The following SYT7 variants were observed in gnomAD, a reference collection of about 807,000 sequenced individuals.
SYT7 encodes synaptotagmin 7, also known as synaptotagmin-7.
In SYT7, 29 loss-of-function variants were observed where a neutral mutation model predicts 75.1. The ratio of observed to expected loss-of-function variants is 0.39; its 90% CI spans 0.29 to 0.53. The LOEUF (loss-of-function observed/expected upper bound fraction) is 0.53, where lower values mean the gene tolerates loss of function less well. Ranked by LOEUF, SYT7 falls within the 20% of genes least tolerant of loss-of-function variation. The pLI, the probability that SYT7 is intolerant of heterozygous loss-of-function variation, is 0.77. For synonymous variants in SYT7, 376 were observed against 401.7 expected, an observed-to-expected ratio of 0.94 and a Z score of 0.76; for missense variants, 693 against 953.2, an observed-to-expected ratio of 0.73 and a Z score of 3.59.
At chr11:61,561,799 A>T (rs1387351362) in intron 1 of SYT7, among the ~76,000 whole-genome samples, 1 of 152,212 alleles carries the variant, frequency 6.6e-6, no homozygotes, top group African/African-American at 2.4e-5. Flanking sequence ...AAGGGGCTGT[A>T]TCTGCTTTGC....
At chr11:61,552,697 G>A (rs2063388207) in intron 2 of SYT7, among the ~76,000 whole-genome samples, 1 of 152,210 alleles carries the variant, frequency 6.6e-6, no homozygotes, top group Admixed American at 6.5e-5. Flanking sequence ...AGGGAGACCA[G>A]CAGCAAAGCT....
intron 2 of SYT7, among the ~76,000 whole-genome samples, chr11:61,554,572 T>G: frequency 6.6e-6 from 1 of 151,972 alleles, no homozygotes; most frequent in East Asian, 1.9e-4. Context: ...GCAGCCTTCT[T>G]CCCTAGCCTT....
At position 61,515,695 on chromosome 11, in the gene SYT7, G is replaced by A. The variant is rs2062132581; in HGVS notation, c.*2932C>T. 6.6e-6 allele frequency: 1 copy of A among 152,564 alleles called. No homozygotes were observed. Among genetic ancestry groups the A allele is most frequent in the Non-Finnish European group, 1.5e-5 (1 of 68,038 alleles). 9.5% of individuals were successfully genotyped at this position (152,564 alleles called of 1,614,324 possible). A position where few individuals can be genotyped will look rare whatever the true frequency, so the allele number is the denominator to read the frequency against. On this transcript the variant is annotated 3_prime_UTR_variant, in exon 13 of 13. Coordinates refer to ENST00000539008, the MANE Select transcript of SYT7 (RefSeq NM_001365809.2). ...CCAGAGGGCAGGTGCGGGGGTCCTG[G>A]GGCGGGTGGAATTTGTACAGCACTT...
chr11:61,584,225 T>TAA (rs1185810889), upstream of SYT7, among the ~76,000 whole-genome samples: 1 of 143,442 alleles, frequency 7.0e-6, no homozygotes. Context: ...CCATCTCTAC[T>TAA]AAAAAAAAAA....
intron 1 of SYT7, among the ~76,000 whole-genome samples, 176 bp from the exon 2 acceptor site, chr11:61,556,383 CTG>C (rs1011330512): frequency 1.1e-4 from 17 of 152,362 alleles, no homozygotes; most frequent in African/African-American, 4.1e-4. Flanking sequence ...AGTTTCCTCT[CTG>C]TGTGCCTCAG....
In SYT7 at chr11:61,514,253, T is replaced by G. The variant is rs1306227062; in HGVS notation, c.*4374A>C. ...TCATGGAGAGCGCCTGAACAGAAGC[T>G]CTGGCCAAGGGAGCCCCTGAGGCTA... On this transcript the variant is annotated 3_prime_UTR_variant, in exon 13 of 13. Coordinates refer to ENST00000539008, the MANE Select transcript of SYT7 (RefSeq NM_001365809.2). Among the ~76,000 whole-genome samples, 1 of 152,194 alleles carries G rather than the reference T, an allele frequency of 6.6e-6. No homozygotes were observed. Among genetic ancestry groups the G allele is most frequent in the Non-Finnish European group, 1.5e-5 (1 of 68,028 alleles).
At position 61,516,803 on chromosome 11, in the gene SYT7, T is replaced by G. The variant is rs577667144; in HGVS notation, c.*1824A>C. 1.3e-5 allele frequency: 2 copies of G among 157,422 alleles called. No individual in the cohort carries two copies. The highest frequency in any genetic ancestry group is 2.1e-4 in the South Asian group (1 of 4,864). The allele number at this position is 157,422 out of a possible 1,614,324, so 9.8% of individuals were successfully genotyped here. ...TAGCATTCTTCACTCTACAAAACGA[T>G]TCACCTACTATGTATGATGTTCCTC... On this transcript the variant is annotated 3_prime_UTR_variant, in exon 13 of 13. Transcript: ENST00000539008. The surrounding 1 kb of genome is among the most constrained non-coding windows in gnomAD (Gnocchi z 4.6).
Position 61,546,197 on chromosome 11 carries a change from C to A in SYT7, c.406G>T (p.Glu136Ter). 1.3e-6 allele frequency: 2 copies of A among 1,512,778 alleles called. No individual in the cohort carries two copies. Among genetic ancestry groups the A allele is most frequent in the Non-Finnish European group, 1.8e-6 (2 of 1,137,750 alleles). 93.7% of individuals were successfully genotyped at this position (1,512,778 alleles called of 1,614,324 possible). Residue 136 changes from glutamate to a stop codon, truncating the protein, a stop_gained, in exon 5 of 13, where the codon GAA (glutamate) becomes TAA (stop). Transcript: ENST00000539008. LOFTEE classifies it high-confidence loss of function. The surrounding 1 kb of genome is among the most constrained non-coding windows in gnomAD (Gnocchi z 7.6). Reference protein sequence around the residue: ...AAAAGLAVEREGRLGEKPAPV... With the variant: ...AAAAGLAVER The stretch of plus-strand genomic sequence containing the variant: ...GCCGGCTTCTCCCCCAGCCGGCCTT[C>A]CCGCTCCACCGCCAGCCCCGCCGCG...
At chr11:61,544,338 C>T (rs1210299081) in intron 5 of SYT7, among the ~76,000 whole-genome samples, 1 of 152,158 alleles carries the variant, frequency 6.6e-6, no homozygotes, top group African/African-American at 2.4e-5. Flanking sequence ...TAGGCTACCC[C>T]TGTGGGCTGA....
chr11:61,518,182 TGGCCAGGCCGG>T lies in SYT7; in HGVS notation c.*434_*444del, dbSNP rs958533519. The T allele has an allele frequency of 6.2e-6, 1 of 160,952 alleles. No individual in the cohort carries two copies. The highest frequency in any genetic ancestry group is 2.4e-5 in the African/African-American group (1 of 41,774). 10.0% of individuals were successfully genotyped at this position (160,952 alleles called of 1,614,324 possible). ...AACTGCCCTGGGGATGGGCCTCTCC[TGGCCAGGCCGG>T]GGCCAAACGCCTCAGCCTCCCCTCC... On this transcript the variant is annotated 3_prime_UTR_variant, in exon 13 of 13. Transcript: ENST00000539008.
At chr11:61,568,854 A>C (rs1255003569) in intron 1 of SYT7, among the ~76,000 whole-genome samples, 1 of 152,220 alleles carries the variant, frequency 6.6e-6, no homozygotes, top group Non-Finnish European at 1.5e-5. Flanking sequence ...TTGAGGGGTG[A>C]AGTGGGCAGG....
chr11:61,537,256 CAG>C (rs10570141), intron 7 of SYT7, among the ~76,000 whole-genome samples: 4,648 of 152,292 alleles, frequency 0.031, 254 homozygotes, highest in African/African-American at 0.11. Flanking sequence ...AACCTAAGGT[CAG>C]GCATCCACTG....
intron 1 of SYT7, among the ~76,000 whole-genome samples, chr11:61,573,749 C>T (rs751326339): frequency 5.9e-5 from 9 of 152,228 alleles, no homozygotes; most frequent in Admixed American, 1.3e-4. Context: ...CAAGATCCCT[C>T]GAACCTCTGA....
rs528072499 is a variant in SYT7 at position 61,513,908 on chromosome 11, G to A, written c.*4719C>T. Among the ~76,000 whole-genome samples the A allele has an allele frequency of 4.4e-4, 67 of 152,322 alleles. No individual in the cohort carries two copies. The highest frequency in any genetic ancestry group is 8.5e-4 in the Admixed American group (13 of 15,300). On this transcript the variant is annotated 3_prime_UTR_variant, in exon 13 of 13. Transcript: ENST00000539008. ...GGGAGCCACGAGCTGGGGCATCGGC[G>A]TGCTCAAGGCTTGTCCTTCTGGTTG...
At chr11:61,540,145 C>T (rs574001483) in intron 6 of SYT7, 3 of 152,264 alleles carry the variant, frequency 2.0e-5, no homozygotes, top group South Asian at 2.1e-4. Flanking sequence ...CTCTGCAGGA[C>T]GCGAGGGTTA....
rs1003167234 is a variant in SYT7, at chr11:61,514,507, C to T, written c.*4120G>A. On this transcript the variant is annotated 3_prime_UTR_variant, in exon 13 of 13. Coordinates refer to ENST00000539008, the MANE Select transcript of SYT7 (RefSeq NM_001365809.2). ...GTGGACACATGACAATGGGGATGTG[C>T]TCGTTCCTTTTGTGCCTGTGTCTGA... 6.6e-6 allele frequency among the ~76,000 whole-genome samples: 1 copy of T among 152,188 alleles called. No homozygotes were observed. Among genetic ancestry groups the T allele is most frequent in the African/African-American group, 2.4e-5 (1 of 41,422 alleles).
upstream of SYT7, among the ~76,000 whole-genome samples, chr11:61,585,942 A>G (rs1225575281): frequency 6.6e-6 from 1 of 152,290 alleles, no homozygotes; most frequent in Non-Finnish European, 1.5e-5. Context: ...TGCTCCACAC[A>G]AAGATGTGAG....
intron 6 of SYT7, chr11:61,540,113 C>T (rs1280670120): frequency 6.6e-6 from 1 of 152,164 alleles, no homozygotes; most frequent in Admixed American, 6.5e-5. Flanking sequence ...TGCATAAATT[C>T]CCGATTCGTC....
chr11:61,541,125 C>T (rs1382938383), intron 6 of SYT7: 3 of 985,398 alleles, frequency 3.0e-6, no homozygotes, highest in Non-Finnish European at 1.2e-6. Context: ...GCTGAGGTCT[C>T]AGAGGAGAGA....
Sources: allele counts gnomAD v4.1 joint callset (sites outside exome capture counted in the v4.1 genomes callset), GRCh38; gene constraint gnomAD v4.1.1; non-coding constraint Gnocchi (gnomAD v3.1); transcripts MANE v1.5; gene names NCBI Gene and HGNC (gene_info 2026-07-23, HGNC 2026-07-21).